NAV2: variants seen among roughly 807,000 people sequenced by gnomAD.
NAV2 encodes the protein neuron navigator 2, also known as helicase, APC down-regulated 1.
A neutral mutation model predicts 223.2 loss-of-function variants in NAV2; 54 were observed. The ratio of observed to expected loss-of-function variants is 0.24; its 90% CI spans 0.19 to 0.30. NAV2 has a LOEUF of 0.30. Among genes scored for constraint, NAV2 ranks in the 10% least tolerant of loss-of-function variants. The pLI is 1.00. For missense variants in NAV2, 2,806 were observed against 3,147.5 expected, an observed-to-expected ratio of 0.89 and a Z score of 2.60; for synonymous variants, 1,279 against 1,239.3, an observed-to-expected ratio of 1.03 and a Z score of -0.67.
chr11:19,702,248 GT>G (rs1440546366), intron 1 of NAV2, among the ~76,000 whole-genome samples: 3 of 152,300 alleles, frequency 2.0e-5, no homozygotes, highest in Admixed American at 2.0e-4. Flanking sequence ...TGGGGTAATG[GT>G]TTTTAGTTGT....
At chr11:19,752,845 T>C (rs544367237) in intron 1 of NAV2, among the ~76,000 whole-genome samples, 1 of 152,292 alleles carries the variant, frequency 6.6e-6, no homozygotes, top group South Asian at 2.1e-4. Flanking sequence ...CTCAATGCCA[T>C]GGACTGAATT....
chr11:19,632,832 A>T (rs1006590034), intron 1 of NAV2, among the ~76,000 whole-genome samples: 2 of 152,230 alleles, frequency 1.3e-5, no homozygotes, highest in African/African-American at 4.8e-5. Context: ...TCCACACAGC[A>T]TTTAGCAAGC....
Position 19,920,017 on chromosome 11 carries a change from C to A in NAV2, c.932-13159C>A, listed in dbSNP as rs903129383. ...GGGCATGGTAGCATGTACCTGTGGT[C>A]CTAGTTACATGGGAGGCTGAGGCAA... On this transcript the variant is annotated intron_variant, in intron 6 of 37. Transcript: ENST00000349880. Among the ~76,000 whole-genome samples, 3 of 152,182 alleles carry A rather than the reference C, an allele frequency of 2.0e-5. No homozygotes were observed. In the East Asian group the frequency reaches 5.8e-4, roughly 30 times the overall value.
intron 1 of NAV2, chr11:19,503,703 G>A (rs561370426): frequency 6.6e-6 from 1 of 152,298 alleles, no homozygotes; most frequent in Admixed American, 6.5e-5. Flanking sequence ...CCTACTGAAG[G>A]ATGTCTTGGT....
At chr11:19,387,726 C>A (rs1488400776) in intron 1 of NAV2, among the ~76,000 whole-genome samples, 1 of 152,162 alleles carries the variant, frequency 6.6e-6, no homozygotes, top group African/African-American at 2.4e-5. Context: ...TTCAGAGGAA[C>A]AACTCTGTAG....
At chr11:19,383,034 T>C (rs1412971849) in intron 1 of NAV2, among the ~76,000 whole-genome samples, 2 of 152,210 alleles carry the variant, frequency 1.3e-5, no homozygotes, top group Non-Finnish European at 2.9e-5. Flanking sequence ...CTACATTGAA[T>C]TTCTACATTA....
intron 1 of NAV2, among the ~76,000 whole-genome samples, chr11:19,717,437 C>T (rs574897444): frequency 2.6e-5 from 4 of 152,284 alleles, no homozygotes; most frequent in African/African-American, 7.2e-5. Flanking sequence ...CTGGAGGAGA[C>T]AGAAGATGAG....
intron 1 of NAV2, among the ~76,000 whole-genome samples, chr11:19,434,635 A>T (rs1224234890): frequency 1.3e-5 from 2 of 152,214 alleles, no homozygotes; most frequent in African/African-American, 4.8e-5. Context: ...TTAGAAAATA[A>T]GTATTTTAAC....
At chr11:19,479,856 A>T (rs1220046558) in intron 1 of NAV2, among the ~76,000 whole-genome samples, 1 of 152,170 alleles carries the variant, frequency 6.6e-6, no homozygotes, top group Non-Finnish European at 1.5e-5. Flanking sequence ...ATGTGCGCAC[A>T]CACACTTCTC....
chr11:19,978,734 T>C (rs1483498214), intron 10 of NAV2: 1 of 151,484 alleles, frequency 6.6e-6, no homozygotes, highest in East Asian at 1.9e-4. Context: ...TCTTTCCTTC[T>C]CTGTCCCCTC....
At chr11:19,807,143 A>G (rs558301726) in intron 1 of NAV2, among the ~76,000 whole-genome samples, 1 of 152,318 alleles carries the variant, frequency 6.6e-6, no homozygotes, top group South Asian at 2.1e-4. Flanking sequence ...ATGGGGGTAA[A>G]TGCGTTAGCA....
intron 1 of NAV2, among the ~76,000 whole-genome samples, chr11:19,745,763 A>G (rs771037705): frequency 2.0e-5 from 3 of 152,106 alleles, no homozygotes; most frequent in Non-Finnish European, 2.9e-5. Context: ...AATCGGGTTC[A>G]CGCTCCTGTG....
intron 1 of NAV2, among the ~76,000 whole-genome samples, chr11:19,472,457 T>C (rs1405386344): frequency 6.6e-6 from 1 of 152,190 alleles, no homozygotes; most frequent in African/African-American, 2.4e-5. Flanking sequence ...AGATGTATCA[T>C]GTAAATATAA....
At chr11:19,923,137 C>CT (rs2044424890) in intron 6 of NAV2, among the ~76,000 whole-genome samples, 1 of 152,118 alleles carries the variant, frequency 6.6e-6, no homozygotes, top group Non-Finnish European at 1.5e-5. Flanking sequence ...CTTCTTCTCC[C>CT]TTTTTAATTG....
At chr11:19,552,930 G>A (rs567847549) in intron 1 of NAV2, among the ~76,000 whole-genome samples, 52 of 152,234 alleles carry the variant, frequency 3.4e-4, no homozygotes, top group South Asian at 8.3e-4. Context: ...GGAGTGCTGA[G>A]ACCATCCTTC....
chr11:19,968,266 C>T (rs553853200), intron 10 of NAV2, among the ~76,000 whole-genome samples: 374 of 152,320 alleles, frequency 2.5e-3, no homozygotes, highest in Non-Finnish European at 4.4e-3. Flanking sequence ...GGCGCAATCT[C>T]GGCTCACTGC....
intron 1 of NAV2, among the ~76,000 whole-genome samples, chr11:19,464,207 T>G (rs956965368): frequency 6.6e-6 from 1 of 152,164 alleles, no homozygotes; most frequent in Non-Finnish European, 1.5e-5. Context: ...CTAGTGGGAC[T>G]GTTTGTTTAA....
At chr11:19,384,790 C>T (rs1196227772) in intron 1 of NAV2, 2 of 152,178 alleles carry the variant, frequency 1.3e-5, no homozygotes, top group East Asian at 3.9e-4. Context: ...TCAGTGCGGG[C>T]TTCTCTGGCT....
At chr11:19,538,421 G>A (rs1331325568) in intron 1 of NAV2, among the ~76,000 whole-genome samples, 4 of 152,080 alleles carry the variant, frequency 2.6e-5, no homozygotes, top group African/African-American at 9.7e-5. Context: ...ACTCACTGCA[G>A]CCTGGACCTC....
Sources: allele counts gnomAD v4.1 joint callset (sites outside exome capture counted in the v4.1 genomes callset), GRCh38; gene constraint gnomAD v4.1.1; transcripts MANE v1.5; gene names NCBI Gene and HGNC (gene_info 2026-07-23, HGNC 2026-07-21).